Variants in REV3L observed in about 807,000 individuals in gnomAD.
The protein encoded by REV3L is REV3 like, DNA directed polymerase zeta catalytic subunit, also known as DNA polymerase zeta catalytic subunit.
Under a neutral mutation model 299.4 loss-of-function variants are expected in REV3L, and 69 were observed. That is an observed-to-expected ratio of 0.23 (90% CI 0.19 to 0.28). REV3L has a LOEUF of 0.28. REV3L is among the 10% of genes least tolerant of loss of function. The pLI is 1.00. For synonymous variants in REV3L, 1,238 were observed against 1,271.4 expected (o/e 0.97, Z 0.56); for missense variants, 3,128 against 3,693.8 (o/e 0.85, Z 3.97).
rs747100815 is a variant in REV3L, at chr6:111,367,250, G to C, written c.6538C>G (p.Leu2180Val). 1 of 1,613,968 alleles carries C rather than the reference G, an allele frequency of 6.2e-7. No individual in the cohort carries two copies. The highest frequency in any genetic ancestry group is 8.5e-7 in the Non-Finnish European group (1 of 1,179,976). The change falls in exon 14 of 32, where the codon CTA becomes GTA. Residue 2180 changes from leucine (L) to valine (V), a missense_variant. Coordinates refer to ENST00000368802, the MANE Select transcript of REV3L (RefSeq NM_001372078.1). ...KSPCSEPQEP[L>V]VISPINTRAR... ...CTAGTATTAATTGGAGATATCACTA[G>C]AGGCTCTTGAGGCTCACTGCAGGGG...
chr6:111,450,533 C>T (rs908136084), intron 1 of REV3L, among the ~76,000 whole-genome samples: 1 of 128,624 alleles, frequency 7.8e-6, no homozygotes, highest in Non-Finnish European at 1.6e-5. Flanking sequence ...TCCTATGTTA[C>T]ATCTTTAAGC....
At chr6:111,435,820 A>G (rs570539836) in intron 1 of REV3L, among the ~76,000 whole-genome samples, 1 of 152,298 alleles carries the variant, frequency 6.6e-6, no homozygotes, top group East Asian at 1.9e-4. Context: ...CAAAAGGATT[A>G]CATCAAGCTT....
At chr6:111,405,385 T>C (rs1186595769) in intron 4 of REV3L, 85 bp downstream of exon 4, 2 of 767,232 alleles carry the variant, frequency 2.6e-6, no homozygotes, top group East Asian at 3.3e-5. Flanking sequence ...TAAATATATA[T>C]TATTTTATAA....
intron 22 of REV3L, among the ~76,000 whole-genome samples, chr6:111,334,878 G>A (rs1469312567): frequency 6.6e-6 from 1 of 152,158 alleles, no homozygotes; most frequent in East Asian, 1.9e-4. Flanking sequence ...AGGAATCTGA[G>A]TGTTTTAATA....
At chr6:111,428,260 T>C (rs1786435530) in intron 1 of REV3L, among the ~76,000 whole-genome samples, 2 of 152,104 alleles carry the variant, frequency 1.3e-5, no homozygotes, top group African/African-American at 2.4e-5. Flanking sequence ...AGCTTTCTGA[T>C]CAAGAATTCA....
intron 13 of REV3L, among the ~76,000 whole-genome samples, chr6:111,369,014 C>T (rs1186461694): frequency 6.6e-6 from 1 of 152,064 alleles, no homozygotes; most frequent in Non-Finnish European, 1.5e-5. Flanking sequence ...TAACCAGCAT[C>T]CAGCACTGTC....
intron 13 of REV3L, among the ~76,000 whole-genome samples, chr6:111,371,616 T>C (rs1779803903): frequency 6.6e-6 from 1 of 151,238 alleles, no homozygotes; most frequent in African/African-American, 2.4e-5. Context: ...GGCAACAAAG[T>C]GCAGTGGCGT....
chr6:111,343,930 T>C lies in REV3L; in HGVS notation c.7533A>G (p.Leu2511=). The C allele has an allele frequency of 2.5e-6, 4 of 1,572,728 alleles. No individual in the cohort carries two copies. Among genetic ancestry groups the C allele is most frequent in the Non-Finnish European group, 3.5e-6 (4 of 1,147,846 alleles). ...TCAGAGTTATAGAACAGTACCTGTA[T>C]AGATCTGTCTTGTTATCAAACCAGT... The part of the protein sequence containing the change: ...LSDWFDNKTD[L]YRWKMVDHYV... The change falls in exon 21 of 32, where the codon CTA becomes CTG. Residue 2511 remains leucine (L), a synonymous_variant. Coordinates refer to ENST00000368802, the MANE Select transcript of REV3L (RefSeq NM_001372078.1).
chr6:111,400,158 G>C (rs866239776), intron 4 of REV3L, among the ~76,000 whole-genome samples: 1 of 152,114 alleles, frequency 6.6e-6, no homozygotes, highest in South Asian at 2.1e-4. Context: ...TGGACATCTC[G>C]GTTGCTTTAC....
At position 111,373,481 on chromosome 6, in the gene REV3L, G is replaced by GAAA; in HGVS notation, c.4871_4873dup (p.Phe1624dup). Reference sequence around the variant, plus strand: ...GTAACAACTTTCAAAGCCTGGATCTGAAAAAAAGATGGGACTATCATCTGA... The same window carrying GAAA: ...GTAACAACTTTCAAAGCCTGGATCTGAAAAAAAAAAGATGGGACTATCATCTGA... On this transcript the variant is annotated inframe_insertion, in exon 13 of 32. Coordinates refer to ENST00000368802, the MANE Select transcript of REV3L (RefSeq NM_001372078.1). The GAAA allele has an allele frequency of 6.2e-7, 1 of 1,611,322 alleles. No individual in the cohort carries two copies. The highest frequency in any genetic ancestry group is 8.5e-7 in the Non-Finnish European group (1 of 1,179,262).
intron 1 of REV3L, among the ~76,000 whole-genome samples, chr6:111,476,618 A>C (rs1792975773): frequency 6.6e-6 from 1 of 151,812 alleles, no homozygotes; most frequent in Admixed American, 6.6e-5. Flanking sequence ...ATATATATTT[A>C]AGTTAATTCT....
intron 1 of REV3L, among the ~76,000 whole-genome samples, chr6:111,417,011 G>GAA (rs533411120): frequency 3.5e-5 from 5 of 142,058 alleles, no homozygotes; most frequent in African/African-American, 1.3e-4. Context: ...CCATTAAAAG[G>GAA]AAAAAAAAAA....
At chr6:111,420,430 C>T (rs1279935719) in intron 1 of REV3L, among the ~76,000 whole-genome samples, 1 of 152,186 alleles carries the variant, frequency 6.6e-6, no homozygotes, top group East Asian at 1.9e-4. Context: ...CAACTACAGT[C>T]ACCATGCAGT....
intron 1 of REV3L, among the ~76,000 whole-genome samples, chr6:111,473,162 T>C (rs1792456635): frequency 6.6e-6 from 1 of 152,142 alleles, no homozygotes; most frequent in Non-Finnish European, 1.5e-5. Flanking sequence ...CCAGCACCAA[T>C]GACAACATCC....
chr6:111,342,391 G>A (rs1413733486), intron 21 of REV3L, among the ~76,000 whole-genome samples: 7 of 152,106 alleles, frequency 4.6e-5, no homozygotes, highest in South Asian at 2.1e-4. Flanking sequence ...GATCCAGGCC[G>A]GGCACGGTGG....
chr6:111,414,184 T>C (rs1357985390), intron 2 of REV3L, among the ~76,000 whole-genome samples: 3 of 152,050 alleles, frequency 2.0e-5, no homozygotes, highest in Non-Finnish European at 4.4e-5. Flanking sequence ...TACAGAATAA[T>C]AAAAACAGTA....
intron 1 of REV3L, among the ~76,000 whole-genome samples, chr6:111,445,640 G>T (rs1048726384): frequency 6.6e-6 from 1 of 152,180 alleles, no homozygotes. Flanking sequence ...CCTTTAAAGA[G>T]CTGGGGATGG....
At chr6:111,475,245 T>C (rs1792796895) in intron 1 of REV3L, among the ~76,000 whole-genome samples, 1 of 152,184 alleles carries the variant, frequency 6.6e-6, no homozygotes, top group African/African-American at 2.4e-5. Flanking sequence ...TACACCATAA[T>C]TCACCTAACT....
chr6:111,331,806 A>G (rs758280876), intron 23 of REV3L, 22 bp from the exon 24 acceptor site: 4 of 1,401,606 alleles, frequency 2.9e-6, no homozygotes, highest in Non-Finnish European at 4.0e-6. Flanking sequence ...GAGAACATTA[A>G]GCAAATACTT....
Sources: gnomAD v4.1 joint callset for allele counts (sites outside exome capture counted in the v4.1 genomes callset) on GRCh38, gnomAD v4.1.1 for gene constraint, MANE v1.5 for transcripts, NCBI Gene and HGNC (gene_info 2026-07-23, HGNC 2026-07-21) for gene names.